The following CADPS variants were observed in gnomAD, a reference collection of about 807,000 sequenced individuals.
CADPS encodes the protein calcium-dependent secretion activator 1.
A neutral mutation model predicts 167.3 loss-of-function variants in CADPS; 57 were observed. The observed-to-expected ratio is 0.34, with a 90% confidence interval of 0.28 to 0.42. The LOEUF is 0.42. Among genes scored for constraint, CADPS ranks in the 20% least tolerant of loss-of-function variants. CADPS has a pLI of 1.00. For synonymous variants in CADPS, 676 were observed against 635.3 expected (o/e 1.06, Z -0.96); for missense variants, 1,414 against 1,738.1 (o/e 0.81, Z 3.32).
At chr3:62,616,467 T>C (rs901615008) in intron 6 of CADPS, among the ~76,000 whole-genome samples, 26 of 108,118 alleles carry the variant, frequency 2.4e-4, no homozygotes, top group Non-Finnish European at 2.9e-4. Flanking sequence ...GACTGATACA[T>C]AATTTAGCTC....
chr3:62,465,635 C>A lies in CADPS; in HGVS notation c.3553-185G>T, dbSNP rs1267223449. On this transcript the variant is annotated intron_variant, in intron 25 of 29. Coordinates refer to ENST00000383710, the MANE Select transcript of CADPS (RefSeq NM_003716.4). This position sits in a 1 kb window ranked among gnomAD's most constrained non-coding sequence, Gnocchi z 4.1. ...CTTTACATAGAAATATTTGACTTAT[C>A]CGGCTTTCTCTTCATTATTATGTGA... Among the ~76,000 whole-genome samples the A allele has an allele frequency of 6.6e-6, 1 of 152,166 alleles. No individual in the cohort carries two copies. The highest frequency in any genetic ancestry group is 2.4e-5 in the African/African-American group (1 of 41,442).
In CADPS at chr3:62,455,273, G is replaced by A. The variant is rs967799995; in HGVS notation, c.3637-9476C>T. 6.6e-6 allele frequency among the ~76,000 whole-genome samples: 1 copy of A among 151,984 alleles called. No homozygotes were observed. The highest frequency in any genetic ancestry group is 2.4e-5 in the African/African-American group (1 of 41,360). On this transcript the variant is annotated intron_variant, in intron 26 of 29. Transcript: ENST00000383710. The surrounding 1 kb of genome is among the most constrained non-coding windows in gnomAD (Gnocchi z 4.4). ...AGGCTCAAGGGCTCCCTCAGACCCA[G>A]CCTCTTAACACTGCTGATACTTAAC...
intron 6 of CADPS, among the ~76,000 whole-genome samples, chr3:62,642,870 C>A (rs561059711): frequency 6.6e-6 from 1 of 152,116 alleles, no homozygotes; most frequent in South Asian, 2.1e-4. Context: ...GTGATTGCAC[C>A]ACTGTACTCC....
chr3:62,762,418 G>A (rs922270230), intron 2 of CADPS, among the ~76,000 whole-genome samples: 24 of 152,112 alleles, frequency 1.6e-4, no homozygotes, highest in African/African-American at 5.8e-4. Flanking sequence ...GCATTTTGGG[G>A]GGCCAATGCG....
chr3:62,664,162 G>A (rs2073963393), intron 3 of CADPS, among the ~76,000 whole-genome samples: 1 of 151,984 alleles, frequency 6.6e-6, no homozygotes, highest in Admixed American at 6.6e-5. Flanking sequence ...GCATGCCATT[G>A]TGCCCAGCTA....
chr3:62,507,198 C>G (rs1379894395), intron 17 of CADPS, among the ~76,000 whole-genome samples: 1 of 152,136 alleles, frequency 6.6e-6, no homozygotes, highest in South Asian at 2.1e-4. Flanking sequence ...GAGGCAAACA[C>G]TGAAACAAGG....
At chr3:62,691,226 A>G (rs7642970) in intron 3 of CADPS, among the ~76,000 whole-genome samples, 1 of 152,088 alleles carries the variant, frequency 6.6e-6, no homozygotes, top group Non-Finnish European at 1.5e-5. Flanking sequence ...AAACTGCTCT[A>G]TATCATGTCA....
chr3:62,778,476 C>T (rs1254881420), intron 1 of CADPS, among the ~76,000 whole-genome samples: 2 of 152,228 alleles, frequency 1.3e-5, no homozygotes, highest in Non-Finnish European at 2.9e-5. Flanking sequence ...AATGCTACTT[C>T]AGATCACTTC....
chr3:62,506,220 T>G (rs1417450872), intron 17 of CADPS, among the ~76,000 whole-genome samples: 3 of 152,060 alleles, frequency 2.0e-5, no homozygotes, highest in Admixed American at 1.3e-4. Context: ...AAACCTCGTC[T>G]CTATTAAAAA....
At chr3:62,847,127 G>T (rs1048204074) in intron 1 of CADPS, among the ~76,000 whole-genome samples, 11 of 152,158 alleles carry the variant, frequency 7.2e-5, no homozygotes, top group Non-Finnish European at 1.5e-4. Flanking sequence ...CTTTTGACAG[G>T]ACGTTAGTAG....
chr3:62,513,792 A>G lies in CADPS; in HGVS notation c.2582-1024T>C, dbSNP rs1208193921. Reference sequence around the variant, plus strand: ...ATAGGTTAGAGGAAAACGTTACATTAGCTCAAAGGAAAATAGCCACAGAGT... The same window carrying G: ...ATAGGTTAGAGGAAAACGTTACATTGGCTCAAAGGAAAATAGCCACAGAGT... On this transcript the variant is annotated intron_variant, in intron 16 of 29. Transcript: ENST00000383710. The G allele has an allele frequency of 1.9e-5, 15 of 809,044 alleles. No homozygotes were observed. In the Admixed American group the frequency reaches 3.2e-4, roughly 17 times the overall value. The allele number at this position is 809,044 out of a possible 1,614,324, so 50.1% of individuals were successfully genotyped here. A position where few individuals can be genotyped will look rare whatever the true frequency, so the allele number is the denominator to read the frequency against.
chr3:62,626,654 T>C, intron 6 of CADPS: 2 of 688,134 alleles, frequency 2.9e-6, no homozygotes, highest in East Asian at 2.7e-5. Context: ...GGCAATTTTG[T>C]TGACGTTTGG....
At chr3:62,528,622 T>C (rs1488406223) in intron 13 of CADPS, among the ~76,000 whole-genome samples, 1 of 152,332 alleles carries the variant, frequency 6.6e-6, no homozygotes, top group East Asian at 1.9e-4. Flanking sequence ...TTCAGTCTGC[T>C]CATTTTACAG....
chr3:62,522,734 T>C (rs758460508), intron 13 of CADPS, among the ~76,000 whole-genome samples: 6 of 152,194 alleles, frequency 3.9e-5, no homozygotes, highest in Non-Finnish European at 7.3e-5. Context: ...CATACACACA[T>C]GAGCACATAC....
At chr3:62,864,243 A>G (rs73844681) in intron 1 of CADPS, among the ~76,000 whole-genome samples, 1 of 152,198 alleles carries the variant, frequency 6.6e-6, no homozygotes, top group African/African-American at 2.4e-5. Context: ...GGCTAAATGT[A>G]TGGGTCTGGC....
chr3:62,592,254 T>C (rs1381164057), intron 7 of CADPS, among the ~76,000 whole-genome samples: 1 of 152,166 alleles, frequency 6.6e-6, no homozygotes, highest in Non-Finnish European at 1.5e-5. Flanking sequence ...CTTTTGTTTC[T>C]CTCTTATGTC....
At chr3:62,745,545 C>A (rs1221580816) in intron 3 of CADPS, among the ~76,000 whole-genome samples, 1 of 152,148 alleles carries the variant, frequency 6.6e-6, no homozygotes, top group Non-Finnish European at 1.5e-5. Flanking sequence ...TCAACCTTGT[C>A]TTGGAACAGA....
At chr3:62,702,422 G>A (rs900017517) in intron 3 of CADPS, among the ~76,000 whole-genome samples, 3 of 152,142 alleles carry the variant, frequency 2.0e-5, no homozygotes, top group African/African-American at 7.2e-5. Flanking sequence ...GAATGATAGT[G>A]GAGTTCAGGC....
intron 28 of CADPS, among the ~76,000 whole-genome samples, chr3:62,413,279 T>TCC (rs2049328939): frequency 6.6e-6 from 1 of 152,100 alleles, no homozygotes; most frequent in African/African-American, 2.4e-5. Context: ...TGAGTATAGA[T>TCC]GCAAAAACAT....
Sources: allele counts gnomAD v4.1 joint callset (sites outside exome capture counted in the v4.1 genomes callset), GRCh38; gene constraint gnomAD v4.1.1; non-coding constraint Gnocchi (gnomAD v3.1); transcripts MANE v1.5; gene names NCBI Gene and HGNC (gene_info 2026-07-23, HGNC 2026-07-21).